SPIN1: variants seen among roughly 807,000 people sequenced by gnomAD.
The protein encoded by SPIN1 is spindlin-1.
A neutral mutation model predicts 26.0 loss-of-function variants in SPIN1; 3 were observed. The observed-to-expected ratio is 0.12, with a 90% confidence interval of 0.05 to 0.30. The LOEUF is 0.30. Among genes scored for constraint, SPIN1 ranks in the 10% least tolerant of loss-of-function variants. The pLI is 1.00. For synonymous variants in SPIN1, 101 were observed against 116.5 expected (o/e 0.87, Z 0.86); for missense variants, 126 against 333.4 (o/e 0.38, Z 4.84).
chr9:88,448,265 A>G (rs1202057992), intron 2 of SPIN1, among the ~76,000 whole-genome samples: 2 of 152,114 alleles, frequency 1.3e-5, no homozygotes, highest in East Asian at 3.9e-4. Flanking sequence ...GCTGGTCTCG[A>G]ACTCCTGACT....
chr9:88,397,250 C>T (rs1827085132), intron 1 of SPIN1, among the ~76,000 whole-genome samples: 1 of 152,084 alleles, frequency 6.6e-6, no homozygotes, highest in Non-Finnish European at 1.5e-5. Context: ...AAAACAGCCT[C>T]ATAATATGGA....
At chr9:88,468,089 C>G (rs879900340) in intron 4 of SPIN1, among the ~76,000 whole-genome samples, 10 of 152,096 alleles carry the variant, frequency 6.6e-5, no homozygotes, top group Non-Finnish European at 1.3e-4. Context: ...GATTTGGGTA[C>G]AGAACCAAGA....
intron 3 of SPIN1, among the ~76,000 whole-genome samples, chr9:88,461,256 G>A (rs1418321561): frequency 1.3e-5 from 2 of 152,070 alleles, no homozygotes; most frequent in Non-Finnish European, 2.9e-5. Context: ...AGGTTTGCTG[G>A]GTTTTTGCAC....
rs145435253 is a variant in SPIN1, at chr9:88,451,267, C to T, written c.101+2278C>T. On this transcript the variant is annotated intron_variant, in intron 3 of 5. Transcript: ENST00000375859. The stretch of plus-strand genomic sequence containing the variant: ...TCTTCCCAAGTCAGTATGGGGTGCC[C>T]GAGAAAGAACCTCTGGTTGCTTGAG... 5.3e-4 allele frequency among the ~76,000 whole-genome samples: 80 copies of T among 152,182 alleles called. No individual in the cohort carries two copies. The East Asian group carries it at 0.012, about 23-fold the overall frequency.
Position 88,471,532 on chromosome 9 carries a change from G to A in SPIN1, c.589+2927G>A, listed in dbSNP as rs146832461. Among the ~76,000 whole-genome samples the A allele has an allele frequency of 2.7e-3, 416 of 151,528 alleles. 1 individual carries two copies. The highest frequency in any genetic ancestry group is 9.6e-3 in the African/African-American group (395 of 41,338). On this transcript the variant is annotated intron_variant, in intron 5 of 5. Coordinates refer to ENST00000375859, the MANE Select transcript of SPIN1 (RefSeq NM_006717.3). ...TAGCCAGGTGTGGTGGCAGGCACCT[G>A]TAATCCCAGCTACTCGGGAGGCTGA...
intron 1 of SPIN1, among the ~76,000 whole-genome samples, chr9:88,423,289 A>AT (rs1405081722): frequency 5.3e-5 from 8 of 152,056 alleles, no homozygotes; most frequent in African/African-American, 1.7e-4. Context: ...TAGTTTTAAA[A>AT]TTTCTTTAAT....
At chr9:88,389,382 A>G (rs528423640) in intron 1 of SPIN1, 1 of 152,340 alleles carries the variant, frequency 6.6e-6, no homozygotes, top group Admixed American at 6.5e-5. Flanking sequence ...ATTTTATTGC[A>G]TTGATTGTGC....
In SPIN1 at chr9:88,426,448, G is replaced by T; in HGVS notation, c.-92G>T. On this transcript the variant is annotated 5_prime_UTR_variant, in exon 2 of 6. Coordinates refer to ENST00000375859, the MANE Select transcript of SPIN1 (RefSeq NM_006717.3). ...AGACACTTGGATGGTGGATTAACCAGAACACTAACATTCTGTGAAAAGTTT... is the reference window on the plus strand; with the variant it reads ...AGACACTTGGATGGTGGATTAACCATAACACTAACATTCTGTGAAAAGTTT... 9.7e-7 allele frequency: 1 copy of T among 1,029,932 alleles called. No homozygotes were observed. Among genetic ancestry groups the T allele is most frequent in the Non-Finnish European group, 1.5e-6 (1 of 675,348 alleles). 63.8% of individuals were successfully genotyped at this position (1,029,932 alleles called of 1,614,324 possible). A position where few individuals can be genotyped will look rare whatever the true frequency, so the allele number is the denominator to read the frequency against.
rs961606924 is a variant in SPIN1, at chr9:88,395,043, C to T, written c.-159+6505C>T. ...CAAGATGGTCTCGATCTCCTGACCT[C>T]GTGATCTGTCCGCCTCGGCCTGCCA... On this transcript the variant is annotated intron_variant, in intron 1 of 5. Transcript: ENST00000375859. Among the ~76,000 whole-genome samples, 16 of 151,780 alleles carry T rather than the reference C, an allele frequency of 1.1e-4. No individual in the cohort carries two copies. In the East Asian group the frequency reaches 1.5e-3, roughly 15 times the overall value.
chr9:88,398,318 A>G (rs912150597), intron 1 of SPIN1, among the ~76,000 whole-genome samples: 3 of 151,952 alleles, frequency 2.0e-5, no homozygotes, highest in African/African-American at 7.2e-5. Context: ...CAGAATTACA[A>G]TGTTATATTA....
chr9:88,414,266 T>C (rs1424499783), intron 1 of SPIN1, among the ~76,000 whole-genome samples: 1 of 152,196 alleles, frequency 6.6e-6, no homozygotes, highest in Non-Finnish European at 1.5e-5. Context: ...TCTCTGAACT[T>C]TGGGCTGTTA....
intron 1 of SPIN1, among the ~76,000 whole-genome samples, chr9:88,423,481 C>T (rs975703485): frequency 1.3e-5 from 2 of 152,044 alleles, no homozygotes; most frequent in African/African-American, 2.4e-5. Context: ...CTCTGTCACC[C>T]AGGCTGTAGT....
At position 88,454,975 on chromosome 9, in the gene SPIN1, A is replaced by T. The variant is rs117416594; in HGVS notation, c.101+5986A>T. Among the ~76,000 whole-genome samples, 1,123 of 152,354 alleles carry T rather than the reference A, an allele frequency of 7.4e-3. 9 individuals carry two copies. In the Middle Eastern group the frequency reaches 0.078, roughly 11 times the overall value. On this transcript the variant is annotated intron_variant, in intron 3 of 5. Coordinates refer to ENST00000375859, the MANE Select transcript of SPIN1 (RefSeq NM_006717.3). ...TTGCCTTTAAAGAAATTGGACAGAA[A>T]TAGTATCTATAACAGATATTCTTTA...
chr9:88,398,329 G>A (rs944905936), intron 1 of SPIN1, among the ~76,000 whole-genome samples: 2 of 152,040 alleles, frequency 1.3e-5, no homozygotes, highest in South Asian at 2.1e-4. Context: ...TGTTATATTA[G>A]TTTATGTGAT....
intron 1 of SPIN1, among the ~76,000 whole-genome samples, chr9:88,392,598 TC>T (rs1368343662): frequency 1.3e-5 from 2 of 151,974 alleles, no homozygotes; most frequent in African/African-American, 2.4e-5. Context: ...CTCTTCTCCT[TC>T]CTTCCCTCCT....
chr9:88,449,125 G>GA (rs1371239622), intron 3 of SPIN1, 136 bp downstream of exon 3: 1 of 742,712 alleles, frequency 1.3e-6, no homozygotes, highest in African/African-American at 1.8e-5. Context: ...GTGCGATGAG[G>GA]AATAGTATGT....
intron 2 of SPIN1, among the ~76,000 whole-genome samples, chr9:88,440,444 C>A (rs939431972): frequency 6.6e-6 from 1 of 151,728 alleles, no homozygotes. Context: ...CGGGCGTGAG[C>A]CCCGTGCCCA....
chr9:88,411,570 G>A (rs1301029843), intron 1 of SPIN1: 3 of 601,098 alleles, frequency 5.0e-6, no homozygotes, highest in Non-Finnish European at 8.8e-6. Flanking sequence ...CTAGAGTGCA[G>A]TGGCATGATC....
intron 1 of SPIN1, among the ~76,000 whole-genome samples, chr9:88,409,683 A>C (rs1052878055): frequency 1.7e-4 from 26 of 151,798 alleles, no homozygotes; most frequent in Admixed American, 1.7e-3. Context: ...AAATACAAAA[A>C]AAAAATTAGC....
Sources: allele counts gnomAD v4.1 joint callset (sites outside exome capture counted in the v4.1 genomes callset), GRCh38; gene constraint gnomAD v4.1.1; transcripts MANE v1.5; gene names NCBI Gene and HGNC (gene_info 2026-07-23, HGNC 2026-07-21).